Variants in CHD6 observed in about 807,000 individuals in gnomAD.
CHD6 encodes chromodomain helicase DNA binding protein 6, also known as ATP-dependent chromatin remodeler CHD6.
Under a neutral mutation model 276.9 loss-of-function variants are expected in CHD6, and 50 were observed. The observed-to-expected ratio is 0.18, with a 90% CI of 0.14 to 0.23. The LOEUF (loss-of-function observed/expected upper bound fraction) is 0.23. CHD6 is among the 10% of genes least tolerant of loss of function. The pLI, the probability that CHD6 is intolerant of heterozygous loss-of-function variation, is 1.00. For missense variants in CHD6, 2,564 were observed against 3,365.8 expected, an observed-to-expected ratio of 0.76 and a Z score of 5.89; for synonymous variants, 1,173 against 1,229.3, an observed-to-expected ratio of 0.95 and a Z score of 0.96.
intron 31 of CHD6, among the ~76,000 whole-genome samples, chr20:41,419,482 G>C (rs535698635): frequency 7.2e-6 from 1 of 139,492 alleles, no homozygotes; most frequent in East Asian, 2.4e-4. Context: ...TTGAACCCAG[G>C]AGGCACAGGT....
chr20:41,542,315 C>T lies in CHD6; in HGVS notation c.34-8745G>A, dbSNP rs552582285. Among the ~76,000 whole-genome samples the T allele has an allele frequency of 4.2e-4, 64 of 152,316 alleles. 3 individuals carry two copies. The South Asian group carries it at 0.013, about 32-fold the overall frequency. On this transcript the variant is annotated intron_variant, in intron 2 of 36. Coordinates refer to ENST00000373233, the MANE Select transcript of CHD6 (RefSeq NM_032221.5). ...GTAGTTTTACAGTAGCTTTGGGCTACCAGAGGCCCTAGGCCCAAAACTTAG... is the reference window on the plus strand; with the variant it reads ...GTAGTTTTACAGTAGCTTTGGGCTATCAGAGGCCCTAGGCCCAAAACTTAG...
chr20:41,497,577 C>G, intron 7 of CHD6, 76 bp from the exon 8 acceptor site: 1 of 931,648 alleles, frequency 1.1e-6, no homozygotes, highest in South Asian at 1.3e-5. Flanking sequence ...TCAATAAACA[C>G]GGTGACCACC....
rs770454461 is a variant in CHD6 at position 41,533,608 on chromosome 20, A to G, written c.34-38T>C. The G allele has an allele frequency of 8.5e-6, 13 of 1,526,140 alleles. No individual in the cohort carries two copies. The South Asian group carries it at 1.6e-4, about 19-fold the overall frequency. 94.5% of individuals were successfully genotyped at this position (1,526,140 alleles called of 1,614,324 possible). A position where few individuals can be genotyped will look rare whatever the true frequency, so the allele number is the denominator to read the frequency against. ...GAGAAACAAGCATATTACCCTTCCA[A>G]TTCATGCTTCAGACAAAGAGAGTTA... On this transcript the variant is annotated intron_variant, in intron 2 of 36. Coordinates refer to ENST00000373233, the MANE Select transcript of CHD6 (RefSeq NM_032221.5).
intron 1 of CHD6, among the ~76,000 whole-genome samples, chr20:41,595,783 T>G (rs1177573417): frequency 6.6e-6 from 1 of 152,016 alleles, no homozygotes; most frequent in Non-Finnish European, 1.5e-5. Context: ...GAACCCACCC[T>G]TGAACCCTCA....
rs572638504 is a variant in CHD6 at position 41,483,265 on chromosome 20, G to C, written c.2468+44C>G. 2.0e-6 allele frequency: 3 copies of C among 1,503,424 alleles called. No individual in the cohort carries two copies. The South Asian group carries it at 3.9e-5, about 20-fold the overall frequency. 93.1% of individuals were successfully genotyped at this position (1,503,424 alleles called of 1,614,324 possible). On this transcript the variant is annotated intron_variant, in intron 16 of 36. Coordinates refer to ENST00000373233, the MANE Select transcript of CHD6 (RefSeq NM_032221.5). Reference sequence around the variant, plus strand: ...GGATCAAAAAAATATCAAAGGAAAGGAACTGTCCCATTGTTGAATGCAGAG... The same window carrying C: ...GGATCAAAAAAATATCAAAGGAAAGCAACTGTCCCATTGTTGAATGCAGAG...
chr20:41,452,724 C>A lies in CHD6; in HGVS notation c.3323+16G>T. Reference sequence around the variant, plus strand: ...AAACAACAATAACAACAAAACTAAGCAGAGCCAATACCCACCCAAAGATGA... The same window carrying A: ...AAACAACAATAACAACAAAACTAAGAAGAGCCAATACCCACCCAAAGATGA... On this transcript the variant is annotated intron_variant, in intron 21 of 36. Transcript: ENST00000373233. This position sits in a 1 kb window ranked among gnomAD's most constrained non-coding sequence, Gnocchi z 4.2. 1.2e-6 allele frequency: 2 copies of A among 1,607,534 alleles called. No homozygotes were observed. The highest frequency in any genetic ancestry group is 1.7e-6 in the Non-Finnish European group (2 of 1,176,476).
intron 2 of CHD6, among the ~76,000 whole-genome samples, chr20:41,533,895 A>C (rs2044756531): frequency 6.6e-6 from 1 of 152,212 alleles, no homozygotes; most frequent in Non-Finnish European, 1.5e-5. Flanking sequence ...ACCTTTAGCC[A>C]CTTGCAAAAA....
intron 3 of CHD6, among the ~76,000 whole-genome samples, chr20:41,520,921 G>T (rs2044377521): frequency 6.6e-6 from 1 of 152,124 alleles, no homozygotes; most frequent in African/African-American, 2.4e-5. Flanking sequence ...TACCTTTTGT[G>T]TAAGAATAAA....
At chr20:41,456,086 T>C in intron 18 of CHD6, 107 bp from the exon 19 acceptor site, 1 of 1,085,076 alleles carries the variant, frequency 9.2e-7, no homozygotes, top group Non-Finnish European at 1.3e-6. Context: ...ATGAACTACA[T>C]GTTAGAACAA....
At position 41,426,168 on chromosome 20, in the gene CHD6, A is replaced by T; in HGVS notation, c.4069-15T>A. 6.2e-7 allele frequency: 1 copy of T among 1,604,054 alleles called. No individual in the cohort carries two copies. ...CTGGAACTCTCCTAGGGATAAATAA[A>T]GCCATCCCATCAGCAAAACTGCAGC... On this transcript the variant is annotated splice_polypyrimidine_tract_variant and intron_variant, in intron 27 of 36. Transcript: ENST00000373233.
chr20:41,487,355 G>C (rs902370781), intron 14 of CHD6, among the ~76,000 whole-genome samples: 2 of 152,224 alleles, frequency 1.3e-5, no homozygotes, highest in Non-Finnish European at 2.9e-5. Flanking sequence ...TGAGACCAGA[G>C]CTGTAAGCAA....
Position 41,452,654 on chromosome 20 carries a change from G to A in CHD6, c.3323+86C>T. 8.3e-7 allele frequency: 1 copy of A among 1,204,786 alleles called. No individual in the cohort carries two copies. Among genetic ancestry groups the A allele is most frequent in the Non-Finnish European group, 1.2e-6 (1 of 839,280 alleles). 74.6% of individuals were successfully genotyped at this position (1,204,786 alleles called of 1,614,324 possible). A position where few individuals can be genotyped will look rare whatever the true frequency, so the allele number is the denominator to read the frequency against. On this transcript the variant is annotated intron_variant, in intron 21 of 36. Transcript: ENST00000373233. The surrounding 1 kb of genome is among the most constrained non-coding windows in gnomAD (Gnocchi z 4.2). ...CCCTATAATTCCAAAGGTGACTGGAGAGACATCCTAGACAAATCTCAGGGA... is the reference window on the plus strand; with the variant it reads ...CCCTATAATTCCAAAGGTGACTGGAAAGACATCCTAGACAAATCTCAGGGA...
Position 41,403,570 on chromosome 20 carries a change from T to C in CHD6, c.*1023A>G. The C allele has an allele frequency of 9.4e-7, 1 of 1,063,638 alleles. No individual in the cohort carries two copies. The highest frequency in any genetic ancestry group is 1.1e-6 in the Non-Finnish European group (1 of 878,262). The allele number at this position is 1,063,638 out of a possible 1,614,324, so 65.9% of individuals were successfully genotyped here. A position where few individuals can be genotyped will look rare whatever the true frequency, so the allele number is the denominator to read the frequency against. On this transcript the variant is annotated 3_prime_UTR_variant, in exon 37 of 37. Coordinates refer to ENST00000373233, the MANE Select transcript of CHD6 (RefSeq NM_032221.5). Reference sequence around the variant, plus strand: ...CTGTATTATAAAGGGTGGCACACATTTGACAGCCTCAGACACTCTTGATCA... The same window carrying C: ...CTGTATTATAAAGGGTGGCACACATCTGACAGCCTCAGACACTCTTGATCA...
intron 2 of CHD6, among the ~76,000 whole-genome samples, chr20:41,545,304 T>G (rs2045018610): frequency 6.6e-6 from 1 of 152,146 alleles, no homozygotes; most frequent in Admixed American, 6.5e-5. Context: ...TGGCCTCGAG[T>G]GTATGTTTCA....
Position 41,497,367 on chromosome 20 carries a change from A to C in CHD6, c.1092+17T>G. ...AAGAAAAGCAGCAGTCAAATGAGTC[A>C]GTAAATATTGCTTCACCTCCGTAAA... On this transcript the variant is annotated intron_variant, in intron 8 of 36. Coordinates refer to ENST00000373233, the MANE Select transcript of CHD6 (RefSeq NM_032221.5). 6.8e-7 allele frequency: 1 copy of C among 1,471,942 alleles called. No individual in the cohort carries two copies. Among genetic ancestry groups the C allele is most frequent in the South Asian group, 1.1e-5 (1 of 88,224 alleles). The allele number at this position is 1,471,942 out of a possible 1,614,324, so 91.2% of individuals were successfully genotyped here.
At chr20:41,460,109 C>T (rs970565041) in intron 17 of CHD6, among the ~76,000 whole-genome samples, 8 of 152,144 alleles carry the variant, frequency 5.3e-5, no homozygotes, top group South Asian at 2.1e-4. Context: ...CCCCTGCCCT[C>T]GAGATTTGCG....
intron 19 of CHD6, 31 bp downstream of exon 19, chr20:41,455,769 C>A: frequency 7.2e-7 from 1 of 1,391,738 alleles, no homozygotes; most frequent in Non-Finnish European, 9.5e-7. Context: ...TCTCTCCCAC[C>A]CCCAACAGCT....
intron 1 of CHD6, among the ~76,000 whole-genome samples, chr20:41,567,347 G>A (rs2045366839): frequency 6.6e-6 from 1 of 152,118 alleles, no homozygotes; most frequent in Non-Finnish European, 1.5e-5. Context: ...GGCCACTTGG[G>A]GCAGGCATAC....
chr20:41,411,472 G>C (rs747047383), intron 36 of CHD6, among the ~76,000 whole-genome samples: 3 of 152,030 alleles, frequency 2.0e-5, no homozygotes, highest in Admixed American at 6.5e-5. Context: ...TCCCTATTTG[G>C]GCAGAAAGTG....
Sources: allele counts gnomAD v4.1 joint callset (sites outside exome capture counted in the v4.1 genomes callset), GRCh38; gene constraint gnomAD v4.1.1; non-coding constraint Gnocchi (gnomAD v3.1); transcripts MANE v1.5; gene names NCBI Gene and HGNC (gene_info 2026-07-23, HGNC 2026-07-21).